The following AOPEP variants were observed in gnomAD, a reference collection of about 807,000 sequenced individuals.
AOPEP encodes the protein aminopeptidase O.
A neutral mutation model predicts 98.1 loss-of-function variants in AOPEP; 77 were observed. That is an observed-to-expected ratio of 0.78 (90% CI 0.65 to 0.95). The LOEUF (loss-of-function observed/expected upper bound fraction) is 0.95, where lower values mean the gene tolerates loss of function less well. Among genes scored for constraint, AOPEP ranks in the 40% least tolerant of loss-of-function variants. The pLI is 0.00. For synonymous variants in AOPEP, 346 were observed against 365.3 expected (o/e 0.95, Z 0.60); for missense variants, 1,024 against 1,024.7 (o/e 1.00, Z 0.01).
At chr9:94,966,115 G>T (rs1200030996) in intron 9 of AOPEP, among the ~76,000 whole-genome samples, 1 of 148,696 alleles carries the variant, frequency 6.7e-6, no homozygotes, top group Non-Finnish European at 1.5e-5. Flanking sequence ...GTCTGTATTT[G>T]CAGACTTGGT....
chr9:95,092,610 G>C, the AOPEP span, among the ~76,000 whole-genome samples: 1 of 152,184 alleles, frequency 6.6e-6, no homozygotes, highest in African/African-American at 2.4e-5. Flanking sequence ...CTTTCAGCCT[G>C]GGCCTTTGTG....
chr9:94,937,783 C>G (rs945263355), intron 7 of AOPEP, among the ~76,000 whole-genome samples: 1 of 152,212 alleles, frequency 6.6e-6, no homozygotes, highest in Non-Finnish European at 1.5e-5. Flanking sequence ...TTCTCTGTCT[C>G]TCTCTGATCT....
intron 13 of AOPEP, among the ~76,000 whole-genome samples, chr9:95,023,169 G>A (rs896517392): frequency 2.0e-5 from 3 of 152,204 alleles, no homozygotes; most frequent in African/African-American, 7.2e-5. Context: ...AATGTTACTG[G>A]GGAATGGGCT....
At chr9:94,891,912 C>G (rs999780849) in intron 5 of AOPEP, among the ~76,000 whole-genome samples, 1 of 152,200 alleles carries the variant, frequency 6.6e-6, no homozygotes, top group African/African-American at 2.4e-5. Flanking sequence ...GCAACAATTT[C>G]TCTTAATCCT....
chr9:94,847,161 G>GTC (rs369354585), intron 5 of AOPEP, among the ~76,000 whole-genome samples: 8 of 138,652 alleles, frequency 5.8e-5, no homozygotes, highest in African/African-American at 7.9e-5. Context: ...CACTCTCTCT[G>GTC]TCTCTCTCTC....
chr9:94,873,140 C>A (rs1222903434), intron 5 of AOPEP, among the ~76,000 whole-genome samples: 1 of 152,110 alleles, frequency 6.6e-6, no homozygotes, highest in Admixed American at 6.6e-5. Context: ...GAGGAAAAAA[C>A]TGAAAATGAA....
At chr9:94,895,739 T>A (rs2049462896) in intron 5 of AOPEP, among the ~76,000 whole-genome samples, 4 of 152,252 alleles carry the variant, frequency 2.6e-5, no homozygotes, top group Admixed American at 2.6e-4. Context: ...GTACTGTTAG[T>A]AGAGACAGGG....
In AOPEP at chr9:94,773,134, G is replaced by A; in HGVS notation, c.930G>A (p.Gly310=). 6.2e-7 allele frequency: 1 copy of A among 1,613,976 alleles called. No individual in the cohort carries two copies. Among genetic ancestry groups the A allele is most frequent in the Non-Finnish European group, 8.5e-7 (1 of 1,179,974 alleles). Residue 310 remains glycine, a synonymous_variant, in exon 3 of 17, where the codon GGG becomes GGA. Transcript: ENST00000375315. The stretch of plus-strand genomic sequence containing the variant: ...CATCTTTTGTTGTTTTAATGAGTGG[G>A]GAAAATTCTGCCAAACCAACGCAGC... ...AAASFVVLMS[G]ENSAKPTQLW...
rs563213532 is a variant in AOPEP, at chr9:94,919,922, G to A, written c.1365-4064G>A. ...GCTGCACATGTTGAAATTGTGAAAA[G>A]CGTTGAATCCATAAGAAGTACCAGC... is the stretch of plus-strand genomic sequence containing the variant. On this transcript the variant is annotated intron_variant, in intron 5 of 16. Transcript: ENST00000375315. Among the ~76,000 whole-genome samples, 51 of 152,310 alleles carry A rather than the reference G, an allele frequency of 3.3e-4. No homozygotes were observed. The Middle Eastern group carries it at 0.017, about 51-fold the overall frequency.
the AOPEP span, among the ~76,000 whole-genome samples, chr9:95,145,727 CCTGA>C: frequency 3.3e-5 from 5 of 152,084 alleles, no homozygotes; most frequent in African/African-American, 9.7e-5. Flanking sequence ...ACAAAACAGG[CCTGA>C]CTATGTGAGA....
At chr9:95,082,950 T>C (rs2070015258) in intron 16 of AOPEP, 1 of 527,508 alleles carries the variant, frequency 1.9e-6, no homozygotes, top group Non-Finnish European at 3.4e-6. Flanking sequence ...AAGCAGAGGC[T>C]GTCCACCTGG....
chr9:94,792,687 T>TG lies in AOPEP; in HGVS notation c.965-77dup, dbSNP rs1481876789. On this transcript the variant is annotated intron_variant, in intron 3 of 16. Transcript: ENST00000375315. ...CAGCTTATCACAAAAGCTCTTCAAG[T>TG]GCCTCGAGAAGAAATTATACAGCAG... is the stretch of plus-strand genomic sequence containing the variant. 6 of 1,323,926 alleles carry TG rather than the reference T, an allele frequency of 4.5e-6. No homozygotes were observed. The East Asian group carries it at 1.2e-4, about 27-fold the overall frequency. 82.0% of individuals were successfully genotyped at this position (1,323,926 alleles called of 1,614,324 possible). A position where few individuals can be genotyped will look rare whatever the true frequency, so the allele number is the denominator to read the frequency against.
chr9:94,922,974 C>A (rs2053836804), intron 5 of AOPEP, among the ~76,000 whole-genome samples: 1 of 152,164 alleles, frequency 6.6e-6, no homozygotes, highest in Non-Finnish European at 1.5e-5. Flanking sequence ...GCCGAGCCGA[C>A]ATGATAGCAA....
At chr9:95,141,985 G>GT in the AOPEP span, among the ~76,000 whole-genome samples, 53,797 of 85,404 alleles carry the variant, frequency 0.63, 15,972 homozygotes, top group South Asian at 0.75. Context: ...AGTTTGTGGG[G>GT]TTTTTTTTTT....
intron 3 of AOPEP, among the ~76,000 whole-genome samples, chr9:94,781,661 C>T (rs550381464): frequency 3.9e-4 from 59 of 150,878 alleles, no homozygotes; most frequent in African/African-American, 5.3e-4. Context: ...CCCAGGTTTA[C>T]GCCATTCTCC....
the AOPEP span, among the ~76,000 whole-genome samples, chr9:95,108,930 G>T: frequency 6.7e-6 from 1 of 148,508 alleles, no homozygotes; most frequent in Non-Finnish European, 1.5e-5. Context: ...TTTGGAGACA[G>T]AGCCTTGCTC....
chr9:94,880,546 G>A (rs2047460800), intron 5 of AOPEP, among the ~76,000 whole-genome samples: 1 of 151,568 alleles, frequency 6.6e-6, no homozygotes, highest in Non-Finnish European at 1.5e-5. Flanking sequence ...TGTAGAGAAG[G>A]GGTTTTGCCA....
At chr9:94,783,956 T>G (rs1169547233) in intron 3 of AOPEP, among the ~76,000 whole-genome samples, 1 of 152,200 alleles carries the variant, frequency 6.6e-6, no homozygotes, top group Non-Finnish European at 1.5e-5. Flanking sequence ...AAAGAAAGAT[T>G]ATATGTTAAA....
intron 14 of AOPEP, among the ~76,000 whole-genome samples, chr9:95,079,286 G>A (rs1308882154): frequency 1.3e-5 from 2 of 152,220 alleles, no homozygotes; most frequent in African/African-American, 4.8e-5. Context: ...ATCTGGCTAG[G>A]TCAGTGGATA....
Sources: gnomAD v4.1 joint callset for allele counts (sites outside exome capture counted in the v4.1 genomes callset) on GRCh38, gnomAD v4.1.1 for gene constraint, MANE v1.5 for transcripts, NCBI Gene and HGNC (gene_info 2026-07-23, HGNC 2026-07-21) for gene names.